The following TPTE variants were observed in gnomAD, a reference collection of about 807,000 sequenced individuals.
TPTE encodes transmembrane phosphatase with tensin homology.
A neutral mutation model predicts 84.1 loss-of-function variants in TPTE; 59 were observed. The ratio of observed to expected loss-of-function variants is 0.70; its 90% CI spans 0.57 to 0.87. The LOEUF is 0.87. Among genes scored for constraint, TPTE ranks in the 40% least tolerant of loss-of-function variants. The probability of loss-of-function intolerance (pLI) is 0.00; values close to 1 mark genes in which losing one functional copy is unlikely to be tolerated. For missense variants in TPTE, 382 were observed against 659.6 expected (o/e 0.58, Z 4.61); for synonymous variants, 130 against 223.5 (o/e 0.58, Z 3.73).
intron 3 of TPTE, among the ~76,000 whole-genome samples, chr21:10,535,634 C>T (rs1341553377): frequency 1.3e-5 from 2 of 152,302 alleles, no homozygotes; most frequent in African/African-American, 2.4e-5. Context: ...ATGAGACTCT[C>T]CTACTACTAG....
At chr21:10,534,837 T>C (rs920266447) in intron 3 of TPTE, among the ~76,000 whole-genome samples, 1 of 152,310 alleles carries the variant, frequency 6.6e-6, no homozygotes, top group Admixed American at 6.5e-5. Flanking sequence ...TACTTCTTCC[T>C]AGCTGAGTTG....
intron 17 of TPTE, among the ~76,000 whole-genome samples, chr21:10,585,668 A>AT (rs2075351322): frequency 6.6e-6 from 1 of 152,424 alleles, no homozygotes; most frequent in Non-Finnish European, 1.5e-5. Context: ...ATGCATGCTG[A>AT]TTTTTTTCCT....
intron 15 of TPTE, 26 bp downstream of exon 15, chr21:10,577,546 T>C: frequency 6.2e-7 from 1 of 1,613,870 alleles, no homozygotes; most frequent in Non-Finnish European, 8.5e-7. Context: ...TATATTGTGC[T>C]ACTGTAGATA....
chr21:10,575,343 T>C (rs1209175705), intron 14 of TPTE, among the ~76,000 whole-genome samples: 1 of 144,732 alleles, frequency 6.9e-6, no homozygotes, highest in Non-Finnish European at 1.5e-5. Context: ...AGCGGTTCTA[T>C]GGACAGAGCT....
Position 10,538,713 on chromosome 21 carries a change from C to A in TPTE, c.-11C>A. 1 of 1,614,076 alleles carries A rather than the reference C, an allele frequency of 6.2e-7. No individual in the cohort carries two copies. The highest frequency in any genetic ancestry group is 8.5e-7 in the Non-Finnish European group (1 of 1,179,878). On this transcript the variant is annotated 5_prime_UTR_variant, in exon 4 of 24. Transcript: ENST00000618007. ...ACAAATGAATTATCAGGAGTGAACC[C>A]AGAGGCACGTATGAATGAAAGGTGA...
chr21:10,544,280 G>A (rs2074425252), intron 7 of TPTE, among the ~76,000 whole-genome samples: 1 of 152,426 alleles, frequency 6.6e-6, no homozygotes, highest in East Asian at 1.9e-4. Context: ...TTAAGCAATA[G>A]CATGTGAGTT....
chr21:10,537,020 C>T (rs2074278382), intron 3 of TPTE, among the ~76,000 whole-genome samples: 8 of 152,310 alleles, frequency 5.3e-5, no homozygotes, highest in Admixed American at 5.2e-4. Context: ...AAGCCCACAC[C>T]CATCATCACA....
intron 10 of TPTE, among the ~76,000 whole-genome samples, chr21:10,565,720 T>C (rs1049113205): frequency 6.6e-5 from 10 of 152,426 alleles, no homozygotes; most frequent in Admixed American, 3.3e-4. Flanking sequence ...TACAGTGAAC[T>C]CATTTTTCAT....
intron 6 of TPTE, 143 bp downstream of exon 6, chr21:10,542,591 T>TCATCCATC (rs1568960540): frequency 1.9e-5 from 21 of 1,128,012 alleles, no homozygotes; most frequent in South Asian, 4.2e-5. Flanking sequence ...ATCCATCCAT[T>TCATCCATC]CATCCATCCA....
At chr21:10,551,476 A>C (rs1456250737) in intron 7 of TPTE, among the ~76,000 whole-genome samples, 1 of 152,310 alleles carries the variant, frequency 6.6e-6, no homozygotes, top group East Asian at 1.9e-4. Context: ...TGGATCAAAA[A>C]AACTAGAAAA....
At chr21:10,602,916 G>T (rs1400712904) in intron 22 of TPTE, 1 of 517,542 alleles carries the variant, frequency 1.9e-6, no homozygotes, top group Admixed American at 1.9e-5. Context: ...GGTCTAATTT[G>T]GTTTAATGCA....
In TPTE at chr21:10,524,573, C is replaced by G. The variant is rs576354627; in HGVS notation, c.-210-7C>G. 125 of 152,528 alleles carry G rather than the reference C, an allele frequency of 8.2e-4. No homozygotes were observed. Among genetic ancestry groups the G allele is most frequent in the Middle Eastern group, 6.8e-3 (2 of 296 alleles). 9.4% of individuals were successfully genotyped at this position (152,528 alleles called of 1,614,324 possible). A position where few individuals can be genotyped will look rare whatever the true frequency, so the allele number is the denominator to read the frequency against. ...AACAGGATCTTGATTAAATTTCTCC[C>G]TCTTAGAGAATGTTGGACCGACGAC... On this transcript the variant is annotated splice_region_variant and splice_polypyrimidine_tract_variant and intron_variant, in intron 1 of 23. Coordinates refer to ENST00000618007, the MANE Select transcript of TPTE (RefSeq NM_199261.4).
intron 10 of TPTE, among the ~76,000 whole-genome samples, chr21:10,567,251 A>T (rs2074940987): frequency 6.6e-6 from 1 of 152,428 alleles, no homozygotes; most frequent in East Asian, 1.9e-4. Flanking sequence ...AACGCCTACT[A>T]TTTGATAGCA....
rs747714432 is a variant in TPTE at position 10,590,532 on chromosome 21, G to C, written c.1089+9G>C. ...TATGTTCAACTGCAAAGGTATGAAA[G>C]ATGTTCTACAAACTTTGTCTTAGGA... On this transcript the variant is annotated intron_variant, in intron 18 of 23. Coordinates refer to ENST00000618007, the MANE Select transcript of TPTE (RefSeq NM_199261.4). 1.2e-6 allele frequency: 2 copies of C among 1,613,948 alleles called. No individual in the cohort carries two copies. The highest frequency in any genetic ancestry group is 1.7e-6 in the Non-Finnish European group (2 of 1,179,822).
intron 17 of TPTE, among the ~76,000 whole-genome samples, chr21:10,585,496 T>A (rs2075348037): frequency 6.6e-6 from 1 of 152,312 alleles, no homozygotes; most frequent in Non-Finnish European, 1.5e-5. Flanking sequence ...ATTTTATTAT[T>A]AAATTGCCGG....
At chr21:10,554,931 A>T in intron 8 of TPTE, among the ~76,000 whole-genome samples, 1 of 152,308 alleles carries the variant, frequency 6.6e-6, no homozygotes, top group Non-Finnish European at 1.5e-5. Context: ...GAGCAGGAAG[A>T]CCAGAGTCAC....
chr21:10,578,675 G>A, intron 17 of TPTE, 70 bp downstream of exon 17: 1 of 1,609,740 alleles, frequency 6.2e-7, no homozygotes, highest in Non-Finnish European at 8.5e-7. Flanking sequence ...ACAAGAACAA[G>A]ATACGTATTG....
At chr21:10,542,607 T>TCATC (rs1398778751) in intron 6 of TPTE, among the ~76,000 whole-genome samples, 159 bp downstream of exon 6, 1 of 152,064 alleles carries the variant, frequency 6.6e-6, no homozygotes, top group Non-Finnish European at 1.5e-5. Flanking sequence ...ATCCATCCAT[T>TCATC]CATCCATCCA....
chr21:10,530,817 C>T (rs2074164480), intron 3 of TPTE, among the ~76,000 whole-genome samples: 2 of 152,428 alleles, frequency 1.3e-5, no homozygotes, highest in South Asian at 2.1e-4. Flanking sequence ...CACAACAACA[C>T]TTGACATTAT....
Sources: gnomAD v4.1 joint callset for allele counts (sites outside exome capture counted in the v4.1 genomes callset) on GRCh38, gnomAD v4.1.1 for gene constraint, MANE v1.5 for transcripts, NCBI Gene and HGNC (gene_info 2026-07-23, HGNC 2026-07-21) for gene names.